Variants in IPO5 observed in about 807,000 individuals in gnomAD.
IPO5 encodes importin-5.
Under a neutral mutation model 143.3 loss-of-function variants are expected in IPO5, and 18 were observed. The ratio of observed to expected loss-of-function variants is 0.13; its 90% CI spans 0.09 to 0.19. The LOEUF is 0.19. Ranked by LOEUF, IPO5 falls within the 10% of genes least tolerant of loss-of-function variation. The probability of loss-of-function intolerance (pLI) is 1.00; values close to 1 mark genes in which losing one functional copy is unlikely to be tolerated. For missense variants in IPO5, 1,013 were observed against 1,336.9 expected (o/e 0.76, Z 3.78); for synonymous variants, 477 against 465.7 (o/e 1.02, Z -0.31).
intron 2 of IPO5, among the ~76,000 whole-genome samples, chr13:97,957,554 G>T (rs1315784284): frequency 1.3e-5 from 2 of 152,004 alleles, no homozygotes; most frequent in Non-Finnish European, 2.9e-5. Context: ...TAAGTGAGAG[G>T]TAGAGAATTA....
intron 17 of IPO5, chr13:98,007,362 A>C (rs1889352470): frequency 6.6e-6 from 1 of 152,160 alleles, no homozygotes; most frequent in East Asian, 1.9e-4. Flanking sequence ...ATGCATATAG[A>C]TCTTCAGAAA....
chr13:97,974,807 T>C (rs972646523), intron 3 of IPO5, among the ~76,000 whole-genome samples: 1 of 151,972 alleles, frequency 6.6e-6, no homozygotes, highest in Admixed American at 6.6e-5. Context: ...GAAATATAAA[T>C]TCAACAAAGA....
At chr13:97,987,018 G>A (rs867430526) in intron 6 of IPO5, 13 of 162,144 alleles carry the variant, frequency 8.0e-5, no homozygotes, top group Non-Finnish European at 1.4e-4. Flanking sequence ...GCCTGCGGAG[G>A]TTGGTCACGT....
chr13:97,974,683 C>CA (rs57634218), intron 3 of IPO5, among the ~76,000 whole-genome samples: 86,603 of 136,450 alleles, frequency 0.63, 27,738 homozygotes, highest in African/African-American at 0.83. Context: ...CAACGACCCA[C>CA]AAAAAAAAAA....
intron 6 of IPO5, among the ~76,000 whole-genome samples, chr13:97,986,358 ATAT>A (rs1566496555): frequency 6.7e-6 from 1 of 148,408 alleles, no homozygotes; most frequent in Non-Finnish European, 1.5e-5. Flanking sequence ...ATGTATATAT[ATAT>A]TTTTTTTTTT....
At chr13:97,970,480 G>A (rs1299410328) in intron 3 of IPO5, among the ~76,000 whole-genome samples, 1 of 152,104 alleles carries the variant, frequency 6.6e-6, no homozygotes, top group African/African-American at 2.4e-5. Context: ...AATTAGCCGG[G>A]CATGGTGGCG....
intron 28 of IPO5, chr13:98,021,373 C>G: frequency 2.6e-6 from 1 of 385,044 alleles, no homozygotes. Context: ...TGGTGCTTAA[C>G]ACAAGCTTAT....
At chr13:97,956,465 A>G (rs1884467458) in intron 2 of IPO5, among the ~76,000 whole-genome samples, 1 of 152,344 alleles carries the variant, frequency 6.6e-6, no homozygotes, top group Non-Finnish European at 1.5e-5. Context: ...CCAGAAAATT[A>G]ATTTTCATAA....
chr13:97,993,130 A>C lies in IPO5; in HGVS notation c.818A>C (p.Asn273Thr). Residue 273 changes from asparagine to threonine, a missense_variant, in exon 11 of 29, where the codon AAT (asparagine) becomes ACT (threonine). Transcript: ENST00000651721. The stretch of plus-strand genomic sequence containing the variant: ...TTGTGTGGAGACACTAGCCTCAACA[A>C]TATGCAACGCCAGCTTGCCCTTGAA... Reference protein sequence around the residue: ...LKLCGDTSLNNMQRQLALEVI... With the variant: ...LKLCGDTSLNTMQRQLALEVI... The C allele has an allele frequency of 6.2e-7, 1 of 1,614,136 alleles. No individual in the cohort carries two copies. Among genetic ancestry groups the C allele is most frequent in the Non-Finnish European group, 8.5e-7 (1 of 1,179,964 alleles).
intron 3 of IPO5, among the ~76,000 whole-genome samples, chr13:97,970,786 T>C (rs1384866267): frequency 1.3e-5 from 2 of 152,206 alleles, no homozygotes; most frequent in African/African-American, 2.4e-5. Context: ...GATTTTTTTC[T>C]TAACCACAAT....
intron 12 of IPO5, 55 bp downstream of exon 12, chr13:97,997,673 A>G (rs1888413037): frequency 3.7e-6 from 4 of 1,088,522 alleles, no homozygotes; most frequent in African/African-American, 1.5e-5. Context: ...TCCACGGTCC[A>G]TCTCTTCACT....
chr13:98,006,018 C>G (rs1889208491), intron 16 of IPO5, 112 bp from the exon 17 acceptor site: 2 of 706,576 alleles, frequency 2.8e-6, no homozygotes, highest in Non-Finnish European at 5.0e-6. Context: ...GAGAGGTGGT[C>G]TCATTCTGCT....
chr13:97,975,378 G>A (rs1212052965), intron 3 of IPO5, among the ~76,000 whole-genome samples: 3 of 152,064 alleles, frequency 2.0e-5, no homozygotes, highest in Non-Finnish European at 2.9e-5. Flanking sequence ...GTAATCCCAG[G>A]TATTTGGGAG....
At chr13:97,956,127 G>C (rs1370276464) in intron 2 of IPO5, among the ~76,000 whole-genome samples, 1 of 129,130 alleles carries the variant, frequency 7.7e-6, no homozygotes, top group Non-Finnish European at 1.8e-5. Flanking sequence ...GCGAGACTCC[G>C]TGTCAAAAAA....
intron 2 of IPO5, among the ~76,000 whole-genome samples, chr13:97,956,279 G>T (rs1884453310): frequency 6.6e-6 from 1 of 152,108 alleles, no homozygotes; most frequent in Non-Finnish European, 1.5e-5. Context: ...TTACATTTGA[G>T]AATTAAATAA....
chr13:97,984,409 T>A (rs1887156448), intron 5 of IPO5, among the ~76,000 whole-genome samples: 1 of 152,230 alleles, frequency 6.6e-6, no homozygotes, highest in Non-Finnish European at 1.5e-5. Flanking sequence ...ATTTAAATCT[T>A]AACTAGATTT....
chr13:98,017,568 G>C (rs557113863), intron 25 of IPO5, among the ~76,000 whole-genome samples: 1 of 152,120 alleles, frequency 6.6e-6, no homozygotes, highest in South Asian at 2.1e-4. Context: ...AAAGTGCTGG[G>C]ATTACAGGCA....
intron 16 of IPO5, among the ~76,000 whole-genome samples, chr13:98,005,286 C>G (rs1029708648): frequency 2.0e-5 from 3 of 151,950 alleles, no homozygotes; most frequent in African/African-American, 7.3e-5. Flanking sequence ...CAACCTCTGC[C>G]TCCCCAGTTC....
At position 98,006,216 on chromosome 13, in the gene IPO5, C is replaced by A. The variant is rs752302201; in HGVS notation, c.1584C>A (p.Val528=). Residue 528 remains valine (V), a synonymous_variant, in exon 17 of 29, where the codon GTC becomes GTA. Transcript: ENST00000651721. ...SVADTAEEKF[V]PYYDLFMPSL... Reference sequence around the variant, plus strand: ...CCGATACTGCAGAAGAAAAATTTGTCCCCTACTATGATTTATTTATGCCAT... The same window carrying A: ...CCGATACTGCAGAAGAAAAATTTGTACCCTACTATGATTTATTTATGCCAT... 1 of 1,613,550 alleles carries A rather than the reference C, an allele frequency of 6.2e-7. No individual in the cohort carries two copies. The highest frequency in any genetic ancestry group is 1.1e-5 in the South Asian group (1 of 91,074).
Sources: allele counts gnomAD v4.1 joint callset (sites outside exome capture counted in the v4.1 genomes callset), GRCh38; gene constraint gnomAD v4.1.1; transcripts MANE v1.5; gene names NCBI Gene and HGNC (gene_info 2026-07-23, HGNC 2026-07-21).